Variants in MMRN1 observed in about 807,000 individuals in gnomAD.
MMRN1 encodes multimerin 1.
A neutral mutation model predicts 100.7 loss-of-function variants in MMRN1; 94 were observed. That is an observed-to-expected ratio of 0.93 (90% CI 0.79 to 1.11). MMRN1 has a LOEUF of 1.11. Ranked by LOEUF, MMRN1 falls within the 50% of genes least tolerant of loss-of-function variation. The probability of loss-of-function intolerance (pLI) is 0.00; values close to 1 mark genes in which losing one functional copy is unlikely to be tolerated. For missense variants in MMRN1, 1,606 were observed against 1,439.1 expected (o/e 1.12, Z -1.88); for synonymous variants, 575 against 505.0 (o/e 1.14, Z -1.86).
intron 1 of MMRN1, among the ~76,000 whole-genome samples, chr4:89,898,241 G>A (rs1308988007): frequency 3.9e-5 from 6 of 151,946 alleles, no homozygotes; most frequent in East Asian, 1.9e-4. Flanking sequence ...TCTGTTACTA[G>A]TACTCTACTA....
At chr4:89,927,690 C>T (rs962761915) in intron 4 of MMRN1, 105 bp from the exon 5 acceptor site, 1 of 987,060 alleles carries the variant, frequency 1.0e-6, no homozygotes, top group Non-Finnish European at 1.5e-6. Flanking sequence ...TTGTTGTGCT[C>T]CAGCTTACAG....
At chr4:89,886,754 G>A (rs1720944896) in intron 1 of MMRN1, among the ~76,000 whole-genome samples, 1 of 151,618 alleles carries the variant, frequency 6.6e-6, no homozygotes, top group Non-Finnish European at 1.5e-5. Flanking sequence ...ACATACTTAT[G>A]GAGTACATGT....
chr4:89,903,379 G>A lies in MMRN1; in HGVS notation c.624-5897G>A, dbSNP rs536734017. ...TTTTTTTTTTTTTCCTGAGAGGCAA[G>A]CTTCATCTGAATTGAACATAAATGA... On this transcript the variant is annotated intron_variant, in intron 1 of 7. Coordinates refer to ENST00000264790, the MANE Select transcript of MMRN1 (RefSeq NM_007351.3). 2.7e-5 allele frequency among the ~76,000 whole-genome samples: 4 copies of A among 150,590 alleles called. No homozygotes were observed. The East Asian group carries it at 7.8e-4, about 29-fold the overall frequency.
chr4:89,903,336 G>A (rs1463494641), intron 1 of MMRN1, among the ~76,000 whole-genome samples: 2 of 150,886 alleles, frequency 1.3e-5, no homozygotes, highest in African/African-American at 2.4e-5. Flanking sequence ...TCTTAAGACT[G>A]TAGAGACATT....
In MMRN1 at chr4:89,895,203, C is replaced by T. The variant is rs1231718083; in HGVS notation, c.232C>T (p.Leu78Phe). Reference protein sequence around the residue: ...TPEARTSEDSLLKSTLPPSET... With the variant: ...TPEARTSEDSFLKSTLPPSET... ...AGAGGCAAGAACTTCTGAAGACAGT[C>T]TTCTTAAATCAACACTGCCTCCCTC... The change falls in exon 1 of 8, where the codon CTT (leucine) becomes TTT (phenylalanine). Residue 78 changes from leucine to phenylalanine, a missense_variant. Transcript: ENST00000264790. The T allele has an allele frequency of 1.2e-6, 2 of 1,613,586 alleles. No homozygotes were observed. The highest frequency in any genetic ancestry group is 1.7e-6 in the Non-Finnish European group (2 of 1,179,846).
Position 89,935,592 on chromosome 4 carries a change from C to T in MMRN1, c.1912C>T (p.Gln638Ter), listed in dbSNP as rs769149120. ...MDNKMDKMSE[Q>*]LNDLTYDMEI... is the part of the protein sequence containing the mutation. ...CAATAAGATGGACAAAATGAGTGAGCAACTAAATGATTTGACTTATGATAT... is the reference window on the plus strand; with the variant it reads ...CAATAAGATGGACAAAATGAGTGAGTAACTAAATGATTTGACTTATGATAT... Residue 638 changes from glutamine (Q) to a stop codon, truncating the protein, a stop_gained, in exon 6 of 8, where the codon CAA becomes TAA. Transcript: ENST00000264790. LOFTEE classifies it high-confidence loss of function. The T allele has an allele frequency of 3.7e-6, 6 of 1,613,434 alleles. No homozygotes were observed. The highest frequency in any genetic ancestry group is 5.1e-6 in the Non-Finnish European group (6 of 1,179,712).
At chr4:89,937,903 T>C (rs1722697103) in intron 6 of MMRN1, among the ~76,000 whole-genome samples, 1 of 152,054 alleles carries the variant, frequency 6.6e-6, no homozygotes, top group Admixed American at 6.6e-5. Flanking sequence ...TAATAGTACC[T>C]CTGTATGAAG....
At chr4:89,919,648 C>T (rs1401224620) in intron 3 of MMRN1, among the ~76,000 whole-genome samples, 1 of 151,864 alleles carries the variant, frequency 6.6e-6, no homozygotes, top group Non-Finnish European at 1.5e-5. Flanking sequence ...ACTGAGTTTG[C>T]AGAGTATCAT....
At chr4:89,882,102 T>TTAATTTAATTTAATTACTATGATATGG (rs1423539173) in intron 1 of MMRN1, among the ~76,000 whole-genome samples, 1 of 151,814 alleles carries the variant, frequency 6.6e-6, no homozygotes. Context: ...CCATACGTCT[T>TTAATTTAATTTAATTACTATGATATGG]TAATTTAATT....
At chr4:89,888,543 C>G (rs958458133) in intron 1 of MMRN1, among the ~76,000 whole-genome samples, 1 of 151,596 alleles carries the variant, frequency 6.6e-6, no homozygotes, top group East Asian at 1.9e-4. Context: ...TATTTAGTCT[C>G]TCTTTTCTTC....
intron 1 of MMRN1, among the ~76,000 whole-genome samples, chr4:89,879,961 T>C (rs1301795033): frequency 6.6e-6 from 1 of 152,200 alleles, no homozygotes; most frequent in Admixed American, 6.6e-5. Context: ...TGTTAATCTT[T>C]TGGACATGGT....
Position 89,936,758 on chromosome 4 carries a change from A to G in MMRN1, c.3078A>G (p.Ile1026Met). Reference protein sequence around the residue: ...KPTVNLTTVLIGRTQRNTDNI... With the variant: ...KPTVNLTTVLMGRTQRNTDNI... Reference sequence around the variant, plus strand: ...CGGTAAATCTTACCACAGTCCTGATAGGCCGGACTCAAAGAAACACGGACA... The same window carrying G: ...CGGTAAATCTTACCACAGTCCTGATGGGCCGGACTCAAAGAAACACGGACA... The change falls in exon 6 of 8, where the codon ATA (isoleucine) becomes ATG (methionine). Residue 1026 changes from isoleucine to methionine, a missense_variant. Transcript: ENST00000264790. The G allele has an allele frequency of 1.9e-6, 3 of 1,606,468 alleles. No homozygotes were observed. Among genetic ancestry groups the G allele is most frequent in the Non-Finnish European group, 1.7e-6 (2 of 1,177,690 alleles).
intron 1 of MMRN1, among the ~76,000 whole-genome samples, chr4:89,898,872 A>G (rs978400382): frequency 1.1e-4 from 17 of 152,136 alleles, no homozygotes; most frequent in African/African-American, 3.9e-4. Flanking sequence ...CATAATAATC[A>G]TAATGAATTT....
chr4:89,902,089 G>A (rs1292861035), intron 1 of MMRN1: 2 of 139,948 alleles, frequency 1.4e-5, no homozygotes, highest in Non-Finnish European at 3.0e-5. Context: ...GTTTTGCAAG[G>A]AAGGGGGAAA....
chr4:89,894,041 A>C (rs1017999951), upstream of MMRN1, among the ~76,000 whole-genome samples: 4 of 152,230 alleles, frequency 2.6e-5, no homozygotes, highest in Non-Finnish European at 2.9e-5. Flanking sequence ...GTATAAAAGC[A>C]TTCTATATGA....
chr4:89,932,951 C>T lies in MMRN1; in HGVS notation c.1130-1859C>T, dbSNP rs572676505. Among the ~76,000 whole-genome samples the T allele has an allele frequency of 2.0e-4, 31 of 152,046 alleles. No individual in the cohort carries two copies. In the South Asian group the frequency reaches 5.8e-3, roughly 28 times the overall value. ...CAGAAAATGAGGTTTTTTTTCTTTT[C>T]TATTTCATCATCAGCCTGCAAATTT... is the stretch of plus-strand genomic sequence containing the variant. On this transcript the variant is annotated intron_variant, in intron 5 of 7. Transcript: ENST00000264790.
intron 2 of MMRN1, among the ~76,000 whole-genome samples, chr4:89,909,804 G>T (rs1410908547): frequency 6.6e-6 from 1 of 151,308 alleles, no homozygotes; most frequent in Non-Finnish European, 1.5e-5. Context: ...TTATAACTTG[G>T]TTCATATTCT....
chr4:89,923,234 T>A lies in MMRN1; in HGVS notation c.917T>A (p.Val306Glu), dbSNP rs1161232721. Residue 306 changes from valine (V) to glutamate (E), a missense_variant, in exon 4 of 8, where the codon GTA (valine) becomes GAA (glutamate). By Grantham distance (121) the Val-to-Glu change is moderately radical. Transcript: ENST00000264790. ...AGTCATACAGCTGTTGGCAGAGGAG[T>A]AGCTGAGCAGCAGCAGCAGCAAGGC... ...AESHTAVGRG[V>E]AEQQQQQGCG... The A allele has an allele frequency of 6.2e-7, 1 of 1,613,806 alleles. No individual in the cohort carries two copies. The highest frequency in any genetic ancestry group is 8.5e-7 in the Non-Finnish European group (1 of 1,179,832).
rs374985221 is a variant in MMRN1 at position 89,923,211 on chromosome 4, T to G, written c.894T>G (p.Ser298Arg). The G allele has an allele frequency of 6.2e-7, 1 of 1,613,990 alleles. No homozygotes were observed. Among genetic ancestry groups the G allele is most frequent in the Non-Finnish European group, 8.5e-7 (1 of 1,179,860 alleles). ...QSLIHTNQAESHTAVGRGVAE... is the reference protein window; with the variant it reads ...QSLIHTNQAERHTAVGRGVAE... Reference sequence around the variant, plus strand: ...TGATACACACCAACCAGGCTGAAAGTCATACAGCTGTTGGCAGAGGAGTAG... The same window carrying G: ...TGATACACACCAACCAGGCTGAAAGGCATACAGCTGTTGGCAGAGGAGTAG... The change falls in exon 4 of 8, where the codon AGT becomes AGG. Residue 298 changes from serine (S) to arginine (R), a missense_variant. By Grantham distance (110) the Ser-to-Arg change is moderately radical. Coordinates refer to ENST00000264790, the MANE Select transcript of MMRN1 (RefSeq NM_007351.3).
Sources: allele counts gnomAD v4.1 joint callset (sites outside exome capture counted in the v4.1 genomes callset), GRCh38; gene constraint gnomAD v4.1.1; transcripts MANE v1.5; gene names NCBI Gene and HGNC (gene_info 2026-07-23, HGNC 2026-07-21).